The following C2CD5 variants were observed in gnomAD, a reference collection of about 807,000 sequenced individuals.
C2CD5 encodes the protein C2 domain-containing protein 5.
In C2CD5, 109 loss-of-function variants were observed where a neutral mutation model predicts 130.3. The ratio of observed to expected loss-of-function variants is 0.84; its 90% CI spans 0.72 to 0.98. The LOEUF (loss-of-function observed/expected upper bound fraction) is 0.98, where lower values mean the gene tolerates loss of function less well. Ranked by LOEUF, C2CD5 falls within the 50% of genes least tolerant of loss-of-function variation. The probability of loss-of-function intolerance (pLI) is 0.00; values close to 1 mark genes in which losing one functional copy is unlikely to be tolerated. For missense variants in C2CD5, 996 were observed against 1,261.8 expected, an observed-to-expected ratio of 0.79 and a Z score of 3.19; for synonymous variants, 454 against 429.2, an observed-to-expected ratio of 1.06 and a Z score of -0.71.
At chr12:22,492,018 G>A (rs1352852601) in intron 11 of C2CD5, among the ~76,000 whole-genome samples, 2 of 152,102 alleles carry the variant, frequency 1.3e-5, no homozygotes. Flanking sequence ...GAGTAGAACC[G>A]CTACTATGGG....
chr12:22,514,144 TCAAA>T (rs1248782516), intron 8 of C2CD5, among the ~76,000 whole-genome samples: 6 of 152,112 alleles, frequency 3.9e-5, no homozygotes, highest in Admixed American at 6.6e-5. Flanking sequence ...TCAACTATGG[TCAAA>T]CAATCATAGA....
intron 7 of C2CD5, among the ~76,000 whole-genome samples, chr12:22,518,733 A>G (rs761298544): frequency 5.3e-5 from 8 of 152,230 alleles, no homozygotes; most frequent in Non-Finnish European, 1.2e-4. Context: ...GTATATAAAG[A>G]AAATAAGCAA....
chr12:22,517,916 G>T, intron 8 of C2CD5, 70 bp downstream of exon 8: 1 of 1,287,724 alleles, frequency 7.8e-7, no homozygotes, highest in Non-Finnish European at 1.1e-6. Flanking sequence ...AGATTTGGAT[G>T]GAAAGCTAAT....
Position 22,449,445 on chromosome 12 carries a change from C to T in C2CD5, c.*315G>A, listed in dbSNP as rs1189235197. ...GCTATCCTAATTTCCTGACAATCTT[C>T]CCATTTCATTTTTTAAATTATGATT... is the stretch of plus-strand genomic sequence containing the variant. On this transcript the variant is annotated 3_prime_UTR_variant, in exon 27 of 27. Transcript: ENST00000446597. 1 of 187,404 alleles carries T rather than the reference C, an allele frequency of 5.3e-6. No homozygotes were observed. Among genetic ancestry groups the T allele is most frequent in the Non-Finnish European group, 1.1e-5 (1 of 90,148 alleles). The allele number at this position is 187,404 out of a possible 1,614,324, so 11.6% of individuals were successfully genotyped here.
chr12:22,506,199 C>T (rs1948514653), intron 10 of C2CD5, among the ~76,000 whole-genome samples: 1 of 152,098 alleles, frequency 6.6e-6, no homozygotes, highest in African/African-American at 2.4e-5. Context: ...TGTTGTGTTG[C>T]CCAGGTTGTT....
Position 22,544,456 on chromosome 12 carries a change from C to T in C2CD5, c.-166G>A, listed in dbSNP as rs1952756049. On this transcript the variant is annotated 5_prime_UTR_variant, in exon 1 of 27. Coordinates refer to ENST00000446597, the MANE Select transcript of C2CD5 (RefSeq NM_001286176.2). ...ACGAAAAGCAAAACCCAGTCAGCAT[C>T]CCGTTGAGCCTCTGCCGCCCCTGCT... 4.0e-6 allele frequency: 1 copy of T among 247,558 alleles called. No individual in the cohort carries two copies. The highest frequency in any genetic ancestry group is 7.7e-6 in the Non-Finnish European group (1 of 129,954). The allele number at this position is 247,558 out of a possible 1,614,324, so 15.3% of individuals were successfully genotyped here. A position where few individuals can be genotyped will look rare whatever the true frequency, so the allele number is the denominator to read the frequency against.
rs377376462 is a variant in C2CD5 at position 22,468,634 on chromosome 12, G to A, written c.2533+1075C>T. ...CTCTCTATTCTTTCAAGGACATTGA[G>A]ATATGCTACAATTCTCTATGGAGTT... On this transcript the variant is annotated intron_variant, in intron 22 of 26. Transcript: ENST00000446597. 3.5e-4 allele frequency among the ~76,000 whole-genome samples: 54 copies of A among 152,228 alleles called. 1 individual carries two copies. In the South Asian group the frequency reaches 0.011, roughly 31 times the overall value.
Position 22,472,776 on chromosome 12 carries a change from TG to T in C2CD5, c.2074del (p.His692IlefsTer24). ...IDDTDAMEDVHSLLTDVPPPS... is the reference protein window; with the variant it reads ...IDDTDAMEDVXSLLTDVPPPS... Reference sequence around the variant, plus strand: ...AGGAGGAACATCAGTAAGTAGAGAATGGACATCTTCCATGGCATCTGTGTCA... The same window carrying T: ...AGGAGGAACATCAGTAAGTAGAGAATGACATCTTCCATGGCATCTGTGTCA... On this transcript the variant is annotated frameshift_variant, in exon 17 of 27. Coordinates refer to ENST00000446597, the MANE Select transcript of C2CD5 (RefSeq NM_001286176.2). LOFTEE classifies it high-confidence loss of function. 1 of 1,587,560 alleles carries T rather than the reference TG, an allele frequency of 6.3e-7. No individual in the cohort carries two copies. The highest frequency in any genetic ancestry group is 8.6e-7 in the Non-Finnish European group (1 of 1,156,316).
intron 22 of C2CD5, 68 bp downstream of exon 22, chr12:22,469,641 T>A (rs1333925191): frequency 7.0e-6 from 6 of 860,092 alleles, no homozygotes; most frequent in African/African-American, 1.8e-5. Flanking sequence ...AGATTTCCTA[T>A]AATGAAGAAG....
chr12:22,478,286 T>C (rs1944171148), intron 15 of C2CD5, 27 bp downstream of exon 15: 2 of 1,564,304 alleles, frequency 1.3e-6, no homozygotes, highest in Non-Finnish European at 8.8e-7. Flanking sequence ...AACTGATACA[T>C]TCACAATGTA....
At chr12:22,461,477 CTGAG>C (rs1333839735) in intron 22 of C2CD5, among the ~76,000 whole-genome samples, 3 of 152,090 alleles carry the variant, frequency 2.0e-5, no homozygotes, top group African/African-American at 7.2e-5. Context: ...AAGAGCTTAC[CTGAG>C]TATGTATTAA....
chr12:22,480,498 A>C (rs1216432225), intron 14 of C2CD5, among the ~76,000 whole-genome samples: 2 of 152,278 alleles, frequency 1.3e-5, no homozygotes, highest in African/African-American at 4.8e-5. Context: ...ATCAAGAAGG[A>C]AAGAAAAGAT....
chr12:22,449,414 A>G lies in C2CD5; in HGVS notation c.*346T>C, dbSNP rs1324921915. On this transcript the variant is annotated 3_prime_UTR_variant, in exon 27 of 27. Transcript: ENST00000446597. The stretch of plus-strand genomic sequence containing the variant: ...TTGCTTAGTTTTTCTAAATTATACT[A>G]GAGTAGCTATCCTAATTTCCTGACA... 1 of 170,766 alleles carries G rather than the reference A, an allele frequency of 5.9e-6. No individual in the cohort carries two copies. The highest frequency in any genetic ancestry group is 1.3e-5 in the Non-Finnish European group (1 of 79,216). The allele number at this position is 170,766 out of a possible 1,614,324, so 10.6% of individuals were successfully genotyped here.
chr12:22,455,510 A>G (rs1000449049), intron 25 of C2CD5, among the ~76,000 whole-genome samples: 2 of 152,196 alleles, frequency 1.3e-5, no homozygotes, highest in Admixed American at 6.6e-5. Context: ...TGCTACCAAG[A>G]GCAAGTAGAA....
chr12:22,505,920 C>T (rs188324844), intron 10 of C2CD5, among the ~76,000 whole-genome samples: 3 of 152,092 alleles, frequency 2.0e-5, no homozygotes, highest in African/African-American at 7.2e-5. Context: ...TACTTTGTTG[C>T]CCATGCTGGA....
intron 10 of C2CD5, among the ~76,000 whole-genome samples, chr12:22,501,123 CTAAG>C (rs1381640431): frequency 1.3e-5 from 2 of 152,118 alleles, no homozygotes; most frequent in African/African-American, 2.4e-5. Context: ...TGAAGATATA[CTAAG>C]TCTTACCAGA....
chr12:22,458,906 ATTC>A (rs1306535261), intron 23 of C2CD5: 4 of 179,406 alleles, frequency 2.2e-5, no homozygotes, highest in South Asian at 2.0e-4. Context: ...TTTATTTCCT[ATTC>A]TTCTTAATTT....
At chr12:22,539,069 G>A (rs1451891021) in intron 2 of C2CD5, among the ~76,000 whole-genome samples, 1 of 151,512 alleles carries the variant, frequency 6.6e-6, no homozygotes, top group Non-Finnish European at 1.5e-5. Context: ...AAACACCACA[G>A]TATTTTTCCT....
intron 22 of C2CD5, chr12:22,463,224 TAAA>T (rs751967585): frequency 6.6e-6 from 1 of 151,570 alleles, no homozygotes; most frequent in Non-Finnish European, 1.5e-5. Flanking sequence ...CCGTCTCTAC[TAAA>T]AATACAAAAA....
Sources: allele counts gnomAD v4.1 joint callset (sites outside exome capture counted in the v4.1 genomes callset), GRCh38; gene constraint gnomAD v4.1.1; transcripts MANE v1.5; gene names NCBI Gene and HGNC (gene_info 2026-07-23, HGNC 2026-07-21).